Variants in STAG1 observed in about 807,000 individuals in gnomAD.
STAG1 encodes STAG1 cohesin complex component, also known as cohesin subunit SA-1.
STAG1 carries 26 observed loss-of-function variants against 170.9 expected under a neutral mutation model. That is an observed-to-expected ratio of 0.15 (90% CI 0.11 to 0.21). The LOEUF is 0.21. STAG1 is among the 10% of genes least tolerant of loss of function. The pLI, the probability that STAG1 is intolerant of heterozygous loss-of-function variation, is 1.00. For synonymous variants in STAG1, 514 were observed against 497.7 expected (o/e 1.03, Z -0.44); for missense variants, 964 against 1,509.5 (o/e 0.64, Z 5.99).
intron 20 of STAG1, among the ~76,000 whole-genome samples, chr3:136,418,673 G>A (rs578091455): frequency 7.3e-4 from 110 of 150,756 alleles, no homozygotes; most frequent in African/African-American, 2.3e-3. Context: ...ACAGGGTCTC[G>A]CTCCGTCGCC....
intron 1 of STAG1, among the ~76,000 whole-genome samples, chr3:136,743,854 A>C (rs1422428448): frequency 6.6e-6 from 1 of 152,236 alleles, no homozygotes; most frequent in African/African-American, 2.4e-5. Flanking sequence ...TAAATACAAA[A>C]GGGATACATA....
chr3:136,541,868 T>C (rs1343474841), intron 6 of STAG1, among the ~76,000 whole-genome samples: 1 of 152,130 alleles, frequency 6.6e-6, no homozygotes, highest in Non-Finnish European at 1.5e-5. Context: ...AAAATAAATA[T>C]CAAGAATCTA....
At chr3:136,661,257 T>C (rs1050889649) in intron 1 of STAG1, among the ~76,000 whole-genome samples, 8 of 152,182 alleles carry the variant, frequency 5.3e-5, no homozygotes, top group Admixed American at 2.6e-4. Flanking sequence ...GTAGAAAATA[T>C]AGTACATTTC....
chr3:136,380,251 T>C (rs938855310), intron 22 of STAG1, among the ~76,000 whole-genome samples: 58 of 152,094 alleles, frequency 3.8e-4, no homozygotes, highest in Non-Finnish European at 7.4e-5. Flanking sequence ...TAGGATTTTT[T>C]TTTTTTTTGA....
rs1413470170 is a variant in STAG1 at position 136,417,891 on chromosome 3, T to A, written c.2190A>T (p.Pro730=). 1.2e-6 allele frequency: 2 copies of A among 1,613,130 alleles called. No individual in the cohort carries two copies. Among genetic ancestry groups the A allele is most frequent in the African/African-American group, 1.3e-5 (1 of 74,942 alleles). ...LKTGIEHGAM[P]EQIVVQALQC... is the part of the protein sequence containing the mutation. ...AATACCAATAAACTCCTACCTGTTC[T>A]GGCATGGCTCCATGTTCAATTCCAG... The change falls in exon 21 of 34, where the codon CCA becomes CCT. Residue 730 remains proline (P), a synonymous_variant. Coordinates refer to ENST00000383202, the MANE Select transcript of STAG1 (RefSeq NM_005862.3).
At chr3:136,648,138 C>A (rs1036258740) in intron 1 of STAG1, among the ~76,000 whole-genome samples, 1 of 152,172 alleles carries the variant, frequency 6.6e-6, no homozygotes, top group Non-Finnish European at 1.5e-5. Flanking sequence ...AGAATTCCAT[C>A]TACTTTTGTA....
chr3:136,527,138 C>T (rs1178312286), intron 6 of STAG1, among the ~76,000 whole-genome samples: 2 of 152,146 alleles, frequency 1.3e-5, no homozygotes, highest in Admixed American at 1.3e-4. Context: ...GAATGTTGGC[C>T]TGCCTTGCTA....
At chr3:136,341,407 G>A (rs1935964489) in intron 31 of STAG1, 34 bp downstream of exon 31, 1 of 1,355,978 alleles carries the variant, frequency 7.4e-7, no homozygotes, top group African/African-American at 1.4e-5. Context: ...TCACATAGTT[G>A]TTATGTTCTT....
chr3:136,606,105 C>G (rs1395338912), intron 3 of STAG1, among the ~76,000 whole-genome samples: 2 of 151,732 alleles, frequency 1.3e-5, no homozygotes, highest in Non-Finnish European at 2.9e-5. Flanking sequence ...TATAGTTACT[C>G]CTATAATTAA....
At chr3:136,751,489 G>A (rs944315819) in intron 1 of STAG1, among the ~76,000 whole-genome samples, 6 of 151,992 alleles carry the variant, frequency 3.9e-5, no homozygotes, top group Admixed American at 1.3e-4. Context: ...TGGCAAACTA[G>A]CGGGGCAGTG....
chr3:136,563,972 G>A (rs575542297), intron 5 of STAG1, among the ~76,000 whole-genome samples: 3 of 151,704 alleles, frequency 2.0e-5, no homozygotes, highest in South Asian at 2.1e-4. Flanking sequence ...GCAGTGAGCC[G>A]AGATCGCACC....
intron 1 of STAG1, among the ~76,000 whole-genome samples, chr3:136,645,925 T>C (rs183602606): frequency 3.9e-5 from 6 of 152,304 alleles, no homozygotes; most frequent in East Asian, 3.9e-4. Context: ...CCCACAACCA[T>C]AGGCAATGTC....
intron 14 of STAG1, among the ~76,000 whole-genome samples, chr3:136,443,631 T>C (rs551189547): frequency 5.3e-5 from 8 of 152,202 alleles, no homozygotes; most frequent in Non-Finnish European, 1.2e-4. Context: ...AAGGATCTCC[T>C]AGTCCAATGA....
chr3:136,465,314 G>A (rs1352610837), intron 12 of STAG1, among the ~76,000 whole-genome samples: 5 of 149,492 alleles, frequency 3.3e-5, no homozygotes, highest in African/African-American at 1.2e-4. Flanking sequence ...CTGCCTCCCG[G>A]GTTCAACTGA....
chr3:136,712,319 A>G (rs560207831), intron 1 of STAG1, among the ~76,000 whole-genome samples: 78 of 152,190 alleles, frequency 5.1e-4, no homozygotes, highest in African/African-American at 1.8e-3. Flanking sequence ...CCCAGCCTAC[A>G]GAGAACTTTT....
At chr3:136,485,857 T>C (rs2089999599) in intron 9 of STAG1, among the ~76,000 whole-genome samples, 1 of 152,344 alleles carries the variant, frequency 6.6e-6, no homozygotes, top group Admixed American at 6.5e-5. Context: ...GTTTTAATTT[T>C]AGCCAGTGTC....
chr3:136,509,368 G>T (rs988369541), intron 7 of STAG1, among the ~76,000 whole-genome samples: 2 of 151,062 alleles, frequency 1.3e-5, no homozygotes, highest in African/African-American at 4.9e-5. Flanking sequence ...GGGATTGCTA[G>T]GCAGCATTAA....
At chr3:136,419,655 GT>G (rs2087891620) in intron 20 of STAG1, among the ~76,000 whole-genome samples, 2 of 147,512 alleles carry the variant, frequency 1.4e-5, no homozygotes, top group African/African-American at 5.0e-5. Context: ...CAGAGATGGG[GT>G]TTTGCCATCT....
intron 4 of STAG1, among the ~76,000 whole-genome samples, chr3:136,599,363 T>C (rs181003108): frequency 2.6e-4 from 39 of 151,924 alleles, no homozygotes; most frequent in Admixed American, 2.1e-3. Context: ...AAACCCTGTA[T>C]CTACTAAAAA....
Sources: allele counts gnomAD v4.1 joint callset (sites outside exome capture counted in the v4.1 genomes callset), GRCh38; gene constraint gnomAD v4.1.1; transcripts MANE v1.5; gene names NCBI Gene and HGNC (gene_info 2026-07-23, HGNC 2026-07-21).